Variants in TECR observed in about 807,000 individuals in gnomAD.
TECR encodes very-long-chain enoyl-CoA reductase.
In TECR, 19 loss-of-function variants were observed where a neutral mutation model predicts 50.6. That is an observed-to-expected ratio of 0.38 (90% CI 0.26 to 0.55). The LOEUF (loss-of-function observed/expected upper bound fraction) is 0.55. Among genes scored for constraint, TECR ranks in the 20% least tolerant of loss-of-function variants. TECR has a pLI of 0.79. For missense variants in TECR, 313 were observed against 408.3 expected (o/e 0.77, Z 2.01); for synonymous variants, 168 against 163.5 (o/e 1.03, Z -0.21).
At chr19:14,559,730 T>G (rs1346341449) in intron 1 of TECR, among the ~76,000 whole-genome samples, 2 of 151,106 alleles carry the variant, frequency 1.3e-5, no homozygotes, top group Non-Finnish European at 2.9e-5. Context: ...GAGGTTGCAG[T>G]GAGTCAAGAT....
In TECR at chr19:14,560,140, C is replaced by T. The variant is rs144898478; in HGVS notation, c.16-2385C>T. 2.7e-4 allele frequency among the ~76,000 whole-genome samples: 41 copies of T among 152,324 alleles called. 1 individual carries two copies. The East Asian group carries it at 6.4e-3, about 24-fold the overall frequency. On this transcript the variant is annotated intron_variant, in intron 1 of 12. Coordinates refer to ENST00000215567, the MANE Select transcript of TECR (RefSeq NM_138501.6). ...CTCGCTACCCCCTCCTGCCGCAGCC[C>T]GGCGTCCTCTCCCAGCAGCTAGCCG...
chr19:14,551,938 CCTCCCTCCCTCT>C (rs1316583510), intron 1 of TECR, among the ~76,000 whole-genome samples: 1 of 83,880 alleles, frequency 1.2e-5, no homozygotes, highest in Non-Finnish European at 2.4e-5. Flanking sequence ...TCTCTCTCTC[CCTCCCTCCCTCT>C]CTCTCTCTCT....
At chr19:14,528,560 C>T (rs1014153992), upstream of TECR, among the ~76,000 whole-genome samples, 2 of 152,082 alleles carry the variant, frequency 1.3e-5, no homozygotes, top group African/African-American at 4.8e-5. Flanking sequence ...ATTTCAAGGG[C>T]TCAGTGGCCC....
intron 1 of TECR, among the ~76,000 whole-genome samples, chr19:14,561,210 C>G (rs950538450): frequency 6.6e-6 from 1 of 152,158 alleles, no homozygotes; most frequent in Non-Finnish European, 1.5e-5. Context: ...CCTGGGATGG[C>G]CCCAGCCCAG....
At chr19:14,552,298 T>C (rs1346369533) in intron 1 of TECR, among the ~76,000 whole-genome samples, 2 of 150,958 alleles carry the variant, frequency 1.3e-5, no homozygotes, top group Non-Finnish European at 2.9e-5. Context: ...CCTCCCAAAC[T>C]GCTGGGATTA....
At chr19:14,556,434 C>A (rs12462490) in intron 1 of TECR, among the ~76,000 whole-genome samples, 3,812 of 128,608 alleles carry the variant, frequency 0.03, 92 homozygotes, top group African/African-American at 0.081. Context: ...ACAAAAAAAA[C>A]CACATTGTGA....
intron 1 of TECR, among the ~76,000 whole-genome samples, chr19:14,545,378 G>A (rs1417618200): frequency 6.6e-6 from 1 of 151,098 alleles, no homozygotes; most frequent in African/African-American, 2.4e-5. Context: ...GGGTCCTCCC[G>A]GGCACACCCA....
chr19:14,551,576 T>A (rs2073507000), intron 1 of TECR, among the ~76,000 whole-genome samples: 1 of 152,124 alleles, frequency 6.6e-6, no homozygotes, highest in South Asian at 2.1e-4. Context: ...GCCCCTGCTT[T>A]TCTAGGCCCA....
chr19:14,556,104 A>C (rs2073711687), intron 1 of TECR, among the ~76,000 whole-genome samples: 1 of 152,176 alleles, frequency 6.6e-6, no homozygotes, highest in Non-Finnish European at 1.5e-5. Flanking sequence ...GCCGTGGCAC[A>C]GACCGCCACA....
chr19:14,552,559 A>C (rs1381490348), intron 1 of TECR, among the ~76,000 whole-genome samples: 1 of 141,908 alleles, frequency 7.0e-6, no homozygotes. Flanking sequence ...TTTTGAGAGG[A>C]GTCTCGTTCT....
chr19:14,561,323 G>A (rs143101567), intron 1 of TECR, among the ~76,000 whole-genome samples: 149 of 152,322 alleles, frequency 9.8e-4, no homozygotes, highest in African/African-American at 3.4e-3. Flanking sequence ...AGAATTGCTG[G>A]CTGGTGGCTG....
At chr19:14,564,893 G>C in intron 8 of TECR, 35 bp downstream of exon 8, 3 of 1,613,824 alleles carry the variant, frequency 1.9e-6, no homozygotes, top group South Asian at 1.1e-5. Flanking sequence ...CCTCCCCCAC[G>C]GTCCCCACCC....
chr19:14,534,289 T>C (rs2072782443), intron 1 of TECR, among the ~76,000 whole-genome samples: 1 of 130,594 alleles, frequency 7.7e-6, no homozygotes. Flanking sequence ...CATGCCTGGC[T>C]AATTTTTTGT....
intron 1 of TECR, 46 bp downstream of exon 1, chr19:14,529,757 C>A: frequency 2.5e-6 from 4 of 1,613,562 alleles, no homozygotes; most frequent in Non-Finnish European, 3.4e-6. Flanking sequence ...CTGACCCATT[C>A]TTTTTCCTTC....
chr19:14,530,330 C>T (rs1425456756), intron 1 of TECR: 1 of 155,088 alleles, frequency 6.4e-6, no homozygotes, highest in Non-Finnish European at 1.4e-5. Flanking sequence ...TCTTGAAGCC[C>T]AAGTCTTCTG....
chr19:14,565,714 C>T lies in TECR; in HGVS notation c.800-30C>T. On this transcript the variant is annotated intron_variant, in intron 12 of 12. Transcript: ENST00000215567. ...GGGCCCTGCCCCTCCGGGCCGGCAG[C>T]CCCTCCCTGACGCCCGTTCTTTCCT... 5 of 1,612,080 alleles carry T rather than the reference C, an allele frequency of 3.1e-6. No individual in the cohort carries two copies. The Middle Eastern group carries it at 4.9e-4, about 160-fold the overall frequency.
intron 1 of TECR, among the ~76,000 whole-genome samples, chr19:14,552,333 C>T (rs1400227936): frequency 1.3e-5 from 2 of 150,424 alleles, no homozygotes; most frequent in South Asian, 4.3e-4. Flanking sequence ...CGTGCCCGGC[C>T]TGCCTTTTCC....
chr19:14,564,097 A>G lies in TECR; in HGVS notation c.383A>G (p.His128Arg). Residue 128 changes from histidine to arginine, a missense_variant and splice_region_variant, in exon 6 of 13, where the codon CAC (histidine) becomes CGC (arginine). By Grantham distance (29) the His-to-Arg change is conservative. Coordinates refer to ENST00000215567, the MANE Select transcript of TECR (RefSeq NM_138501.6). Reference sequence around the variant, plus strand: ...ACGTCCAGTCGGCATACAGTGGTGCAGTAAGTGGGGCAGGTGGGAGGAGGG... The same window carrying G: ...ACGTCCAGTCGGCATACAGTGGTGCGGTAAGTGGGGCAGGTGGGAGGAGGG... The part of the protein sequence containing the change: ...DFTSSRHTVV[H>R]LACICHSFHY... The G allele has an allele frequency of 6.2e-7, 1 of 1,611,474 alleles. No individual in the cohort carries two copies. Among genetic ancestry groups the G allele is most frequent in the Non-Finnish European group, 8.5e-7 (1 of 1,179,828 alleles).
chr19:14,558,680 C>T (rs1374448303), intron 1 of TECR, among the ~76,000 whole-genome samples: 1 of 152,130 alleles, frequency 6.6e-6, no homozygotes, highest in Non-Finnish European at 1.5e-5. Flanking sequence ...ACCCCTTGCC[C>T]GTGGCCAGTG....
Sources: allele counts gnomAD v4.1 joint callset (sites outside exome capture counted in the v4.1 genomes callset), GRCh38; gene constraint gnomAD v4.1.1; transcripts MANE v1.5; gene names NCBI Gene and HGNC (gene_info 2026-07-23, HGNC 2026-07-21).